Variants in GCKR observed in about 807,000 individuals in gnomAD.
The protein encoded by GCKR is glucokinase regulatory protein.
Under a neutral mutation model 82.9 loss-of-function variants are expected in GCKR, and 73 were observed. The observed-to-expected ratio is 0.88, with a 90% CI of 0.73 to 1.07. The LOEUF is 1.07. Ranked by LOEUF, GCKR falls within the 50% of genes least tolerant of loss-of-function variation. The pLI is 0.00. For synonymous variants in GCKR, 294 were observed against 291.8 expected, an observed-to-expected ratio of 1.01 and a Z score of -0.08; for missense variants, 784 against 782.1, an observed-to-expected ratio of 1.00 and a Z score of -0.03.
intron 5 of GCKR, 136 bp downstream of exon 5, chr2:27,498,933 C>T: frequency 6.8e-6 from 5 of 736,902 alleles, no homozygotes; most frequent in Admixed American, 4.0e-5. Flanking sequence ...CACACTTGGC[C>T]CACTTCACAT....
intron 16 of GCKR, among the ~76,000 whole-genome samples, chr2:27,509,254 ACT>A (rs1253403792): frequency 3.3e-5 from 5 of 152,302 alleles, no homozygotes; most frequent in African/African-American, 7.2e-5. Context: ...CAGCTGAAAC[ACT>A]GACTTACCTG....
chr2:27,508,392 G>C, intron 16 of GCKR, 141 bp downstream of exon 16: 1 of 680,648 alleles, frequency 1.5e-6, no homozygotes. Context: ...AAGGTCATGG[G>C]TTACCAGGTT....
intron 9 of GCKR, among the ~76,000 whole-genome samples, chr2:27,504,939 A>G (rs982524219): frequency 1.3e-5 from 2 of 151,872 alleles, no homozygotes; most frequent in Non-Finnish European, 2.9e-5. Context: ...CAGCTTGGCT[A>G]ACATGGTGAA....
chr2:27,501,039 G>T, intron 7 of GCKR, 96 bp from the exon 8 acceptor site: 1 of 897,060 alleles, frequency 1.1e-6, no homozygotes, highest in South Asian at 1.3e-5. Flanking sequence ...TCTGCATTTT[G>T]AACAAGCATT....
At chr2:27,515,708 C>T (rs180823898) in intron 16 of GCKR, among the ~76,000 whole-genome samples, 1 of 147,758 alleles carries the variant, frequency 6.8e-6, no homozygotes, top group African/African-American at 2.5e-5. Flanking sequence ...GGCATGAATC[C>T]AATTATTTAT....
intron 16 of GCKR, among the ~76,000 whole-genome samples, chr2:27,514,068 G>T (rs1669947776): frequency 6.6e-6 from 1 of 151,792 alleles, no homozygotes; most frequent in African/African-American, 2.4e-5. Context: ...ACCTGATCTT[G>T]TTAGTGGGTT....
At chr2:27,515,759 ATATATATTTT>A (rs1669987621) in intron 16 of GCKR, among the ~76,000 whole-genome samples, 3 of 127,314 alleles carry the variant, frequency 2.4e-5, no homozygotes, top group South Asian at 2.5e-4. Flanking sequence ...ATATATATAT[ATATATATTTT>A]TTTTTTTTTT....
intron 17 of GCKR, among the ~76,000 whole-genome samples, chr2:27,521,978 C>G (rs1670163410): frequency 6.6e-6 from 1 of 152,138 alleles, no homozygotes; most frequent in South Asian, 2.1e-4. Context: ...CCTGTTTTGA[C>G]CTCCCAAAGT....
intron 16 of GCKR, among the ~76,000 whole-genome samples, chr2:27,518,333 A>C (rs1670058345): frequency 6.6e-6 from 1 of 152,240 alleles, no homozygotes; most frequent in African/African-American, 2.4e-5. Flanking sequence ...GGAGTGAGCC[A>C]CTGTGCCCGG....
At position 27,523,433 on chromosome 2, in the gene GCKR, T is replaced by C. The variant is rs775673021; in HGVS notation, c.1872T>C (p.Val624=). The change falls in exon 19 of 19, where the codon GTT becomes GTC. Residue 624 remains valine, a synonymous_variant. Coordinates refer to ENST00000264717, the MANE Select transcript of GCKR (RefSeq NM_001486.4). ...ADPLEILEPD[V]Q ...CCCTCGAGATCCTAGAGCCTGACGT[T>C]CAGTGAACCCATGTTTCTGGGTGGG... 6 of 1,605,886 alleles carry C rather than the reference T, an allele frequency of 3.7e-6. No individual in the cohort carries two copies. In the African/African-American group the frequency reaches 6.7e-5, roughly 18 times the overall value.
Position 27,498,267 on chromosome 2 carries a change from G to A in GCKR, c.298G>A (p.Gly100Arg), listed in dbSNP as rs746686447. 1.2e-6 allele frequency: 2 copies of A among 1,613,272 alleles called. No individual in the cohort carries two copies. The highest frequency in any genetic ancestry group is 1.7e-6 in the Non-Finnish European group (2 of 1,179,274). ...VQEVLKEPDG[G>R]LVVLSGGGTS... ...TTTCCTTCTTCAGGAGCCAGATGGG[G>A]GGCTGGTTGTGCTGAGTGGAGGGGG... Residue 100 changes from glycine (G) to arginine (R), a missense_variant, in exon 4 of 19, where the codon GGG (glycine) becomes AGG (arginine). Transcript: ENST00000264717.
At chr2:27,503,217 G>A (rs1669629250) in intron 8 of GCKR, among the ~76,000 whole-genome samples, 2 of 152,216 alleles carry the variant, frequency 1.3e-5, no homozygotes, top group South Asian at 2.1e-4. Context: ...CATTAGTATA[G>A]CCATGGCATT....
chr2:27,503,762 C>G (rs1270430882), intron 9 of GCKR, 143 bp downstream of exon 9: 1 of 668,774 alleles, frequency 1.5e-6, no homozygotes, highest in Non-Finnish European at 2.7e-6. Context: ...ATGTTATAAA[C>G]CAAATCCTAT....
At chr2:27,501,312 A>G (rs922537893) in intron 8 of GCKR, 83 bp downstream of exon 8, 10 of 872,808 alleles carry the variant, frequency 1.1e-5, no homozygotes, top group Admixed American at 8.6e-5. Context: ...CACAAGGGAG[A>G]GAACAGATAG....
chr2:27,512,273 C>T (rs1342475768), intron 16 of GCKR, among the ~76,000 whole-genome samples: 2 of 143,590 alleles, frequency 1.4e-5, no homozygotes, highest in African/African-American at 5.2e-5. Flanking sequence ...CGTGGTGGCT[C>T]ACGCCTACAA....
At chr2:27,509,187 G>A (rs899700219) in intron 16 of GCKR, among the ~76,000 whole-genome samples, 1 of 152,076 alleles carries the variant, frequency 6.6e-6, no homozygotes, top group African/African-American at 2.4e-5. Context: ...GAGAGATGTG[G>A]TCTCTTATTC....
chr2:27,497,617 A>T lies in GCKR; in HGVS notation c.272A>T (p.Gln91Leu), dbSNP rs1227989094. 1.2e-6 allele frequency: 2 copies of T among 1,609,436 alleles called. No individual in the cohort carries two copies. Among genetic ancestry groups the T allele is most frequent in the Non-Finnish European group, 1.7e-6 (2 of 1,175,840 alleles). Reference sequence around the variant, plus strand: ...ATGGTACAGGTGGCTGGGAAAGTTCAGGAAGTGCTGAAGGTACTAACCTTC... The same window carrying T: ...ATGGTACAGGTGGCTGGGAAAGTTCTGGAAGTGCTGAAGGTACTAACCTTC... The part of the protein sequence containing the change: ...TTMVQVAGKV[Q>L]EVLKEPDGGL... The change falls in exon 3 of 19, where the codon CAG becomes CTG. Residue 91 changes from glutamine to leucine, a missense_variant. Physicochemically the swap from Gln to Leu is moderately radical, Grantham distance 113 (BLOSUM62 -2). Transcript: ENST00000264717.
intron 14 of GCKR, 59 bp from the exon 15 acceptor site, chr2:27,507,918 A>T (rs1470155884): frequency 1.6e-6 from 2 of 1,288,304 alleles, no homozygotes; most frequent in Non-Finnish European, 2.3e-6. Context: ...CAGCCAGGGG[A>T]GCAGGAGGAA....
rs371379488 is a variant in GCKR, at chr2:27,500,805, G to A, written c.550-330G>A. ...CTCTCTGGCTCTAAGAATTCACTTC[G>A]CAGAAACTAGATCCCACCAGTGTTA... On this transcript the variant is annotated intron_variant, in intron 7 of 18. Transcript: ENST00000264717. Among the ~76,000 whole-genome samples the A allele has an allele frequency of 4.6e-5, 7 of 152,092 alleles. No homozygotes were observed. The East Asian group carries it at 9.6e-4, about 21-fold the overall frequency.
Sources: allele counts gnomAD v4.1 joint callset (sites outside exome capture counted in the v4.1 genomes callset), GRCh38; gene constraint gnomAD v4.1.1; transcripts MANE v1.5; gene names NCBI Gene and HGNC (gene_info 2026-07-23, HGNC 2026-07-21).